CNTNAP5: variants seen among roughly 807,000 people sequenced by gnomAD.
CNTNAP5 encodes contactin-associated protein-like 5.
In CNTNAP5, 72 loss-of-function variants were observed where a neutral mutation model predicts 150.2. The ratio of observed to expected loss-of-function variants is 0.48; its 90% CI spans 0.40 to 0.58. The LOEUF (loss-of-function observed/expected upper bound fraction) is 0.58. CNTNAP5 is among the 20% of genes least tolerant of loss of function. The probability of loss-of-function intolerance (pLI) is 0.00; values close to 1 mark genes in which losing one functional copy is unlikely to be tolerated. For missense variants in CNTNAP5, 1,636 were observed against 1,626.2 expected, an observed-to-expected ratio of 1.01 and a Z score of -0.10; for synonymous variants, 672 against 619.8, an observed-to-expected ratio of 1.08 and a Z score of -1.25.
chr2:124,226,977 A>C (rs1412970473), intron 2 of CNTNAP5, among the ~76,000 whole-genome samples: 1 of 152,094 alleles, frequency 6.6e-6, no homozygotes, highest in Non-Finnish European at 1.5e-5. Context: ...TAATCTATTC[A>C]TGAGGTCAGA....
At chr2:124,860,319 C>T (rs1677486598) in intron 19 of CNTNAP5, among the ~76,000 whole-genome samples, 4 of 151,808 alleles carry the variant, frequency 2.6e-5, no homozygotes, top group Admixed American at 6.6e-5. Flanking sequence ...CATTGCACTC[C>T]AGTCTGGGCG....
At chr2:124,230,210 C>A (rs1014066616) in intron 2 of CNTNAP5, among the ~76,000 whole-genome samples, 2 of 151,988 alleles carry the variant, frequency 1.3e-5, no homozygotes, top group Non-Finnish European at 2.9e-5. Flanking sequence ...TGCTAAGGAC[C>A]CTAAAGGTGT....
chr2:124,230,483 T>G (rs1686586907), intron 2 of CNTNAP5, among the ~76,000 whole-genome samples: 1 of 141,186 alleles, frequency 7.1e-6, no homozygotes, highest in South Asian at 2.6e-4. Context: ...TATTTTTTAT[T>G]TATTTCTTTT....
intron 13 of CNTNAP5, among the ~76,000 whole-genome samples, chr2:124,745,192 CA>C (rs1391687367): frequency 2.0e-5 from 3 of 152,170 alleles, no homozygotes; most frequent in Admixed American, 2.0e-4. Context: ...AAGTTGCACA[CA>C]AACTGGCTGT....
chr2:124,162,711 A>G (rs1247140885), intron 1 of CNTNAP5, among the ~76,000 whole-genome samples: 1 of 152,208 alleles, frequency 6.6e-6, no homozygotes, highest in Non-Finnish European at 1.5e-5. Flanking sequence ...AAATTAAGAG[A>G]AAAACACTAA....
chr2:124,490,667 C>T (rs891687028), intron 7 of CNTNAP5, among the ~76,000 whole-genome samples: 1 of 151,998 alleles, frequency 6.6e-6, no homozygotes, highest in Non-Finnish European at 1.5e-5. Flanking sequence ...AACTATTGAA[C>T]ATTTGAAGTA....
Position 124,765,450 on chromosome 2 carries a change from G to A in CNTNAP5, c.2533+1303G>A, listed in dbSNP as rs1681048196. On this transcript the variant is annotated intron_variant, in intron 16 of 23. Transcript: ENST00000682447. ...TTATACAGATGAAAAATGAGAACTT[G>A]AGTTCTTATTCTTAAAAATAAACAA... 3.1e-5 allele frequency among the ~76,000 whole-genome samples: 4 copies of A among 129,746 alleles called. No individual in the cohort carries two copies. In the South Asian group the frequency reaches 1.4e-3, roughly 44 times the overall value. 85.1% of individuals were successfully genotyped at this position (129,746 alleles called of 152,430 possible).
chr2:124,169,050 G>A (rs1460096996), intron 1 of CNTNAP5, among the ~76,000 whole-genome samples: 1 of 151,858 alleles, frequency 6.6e-6, no homozygotes, highest in East Asian at 1.9e-4. Context: ...ATTTCTATTC[G>A]GAGCACTGCC....
At chr2:124,609,569 AAAAC>A (rs1446273109) in intron 11 of CNTNAP5, among the ~76,000 whole-genome samples, 1 of 152,134 alleles carries the variant, frequency 6.6e-6, no homozygotes, top group Non-Finnish European at 1.5e-5. Flanking sequence ...ACTGCAGTCT[AAAAC>A]AAATAATAAT....
At chr2:124,827,589 C>T (rs560744144) in intron 19 of CNTNAP5, among the ~76,000 whole-genome samples, 1 of 152,284 alleles carries the variant, frequency 6.6e-6, no homozygotes, top group East Asian at 1.9e-4. Context: ...CCTGGTGTCA[C>T]AGTATCTGAG....
intron 19 of CNTNAP5, among the ~76,000 whole-genome samples, chr2:124,844,362 T>C (rs1265517323): frequency 6.6e-6 from 1 of 152,128 alleles, no homozygotes; most frequent in African/African-American, 2.4e-5. Context: ...TTCTGTTCCA[T>C]TAGTCTATGT....
At position 124,636,749 on chromosome 2, in the gene CNTNAP5, T is replaced by C. The variant is rs1321371885; in HGVS notation, c.1877-11009T>C. Among the ~76,000 whole-genome samples, 6 of 152,282 alleles carry C rather than the reference T, an allele frequency of 3.9e-5. No homozygotes were observed. The East Asian group carries it at 9.7e-4, about 25-fold the overall frequency. On this transcript the variant is annotated intron_variant, in intron 12 of 23. Transcript: ENST00000682447. ...AGAATAATTTTCAGCACTTACTACA[T>C]GTGAAACTTTCTGGCAAACTATCTT... is the stretch of plus-strand genomic sequence containing the variant.
rs1411801652 is a variant in CNTNAP5, at chr2:124,175,003, T to C, written c.83-46702T>C. ...GGTGATCATTAGCATTTTTTAACAATAAAATATGTTTAATTAAAGTAAGTA... is the reference window on the plus strand; with the variant it reads ...GGTGATCATTAGCATTTTTTAACAACAAAATATGTTTAATTAAAGTAAGTA... On this transcript the variant is annotated intron_variant, in intron 1 of 23. Transcript: ENST00000682447. 2.0e-5 allele frequency among the ~76,000 whole-genome samples: 3 copies of C among 152,194 alleles called. No homozygotes were observed. The East Asian group carries it at 5.8e-4, about 29-fold the overall frequency.
At chr2:124,385,488 C>A (rs1690904659) in intron 3 of CNTNAP5, among the ~76,000 whole-genome samples, 1 of 152,166 alleles carries the variant, frequency 6.6e-6, no homozygotes, top group Non-Finnish European at 1.5e-5. Context: ...GTTTAATCTG[C>A]AATTAATAAC....
intron 1 of CNTNAP5, among the ~76,000 whole-genome samples, chr2:124,067,040 C>A (rs1359456509): frequency 6.6e-6 from 1 of 152,172 alleles, no homozygotes; most frequent in Non-Finnish European, 1.5e-5. Context: ...CTACAAGTAC[C>A]TAGAAGACAG....
intron 13 of CNTNAP5, among the ~76,000 whole-genome samples, chr2:124,694,659 A>G (rs976205067): frequency 9.9e-5 from 15 of 152,218 alleles, no homozygotes; most frequent in African/African-American, 3.6e-4. Context: ...AGCTTATTAT[A>G]AATTTACTGG....
intron 13 of CNTNAP5, among the ~76,000 whole-genome samples, chr2:124,687,086 T>C (rs1679208408): frequency 6.6e-6 from 1 of 152,066 alleles, no homozygotes; most frequent in Non-Finnish European, 1.5e-5. Context: ...TGTGGCTATG[T>C]TCCTTCTAGG....
intron 3 of CNTNAP5, among the ~76,000 whole-genome samples, chr2:124,382,553 C>G (rs1275296273): frequency 6.6e-6 from 1 of 152,086 alleles, no homozygotes; most frequent in African/African-American, 2.4e-5. Context: ...TTTAAACTTG[C>G]TTTCCCATCA....
intron 13 of CNTNAP5, among the ~76,000 whole-genome samples, chr2:124,706,821 G>A (rs1244266449): frequency 2.3e-3 from 12 of 5,112 alleles, no homozygotes; most frequent in African/African-American, 3.9e-3. Flanking sequence ...AGGAGGAGGA[G>A]GAGGAAGAGG....
Sources: gnomAD v4.1 joint callset for allele counts (sites outside exome capture counted in the v4.1 genomes callset) on GRCh38, gnomAD v4.1.1 for gene constraint, MANE v1.5 for transcripts, NCBI Gene and HGNC (gene_info 2026-07-23, HGNC 2026-07-21) for gene names.